The following UGT1A5 variants were observed in gnomAD, a reference collection of about 807,000 sequenced individuals.
UGT1A5 encodes UDP-glucuronosyltransferase 1A5.
UGT1A5 carries 29 observed loss-of-function variants against 40.3 expected under a neutral mutation model. The observed-to-expected ratio is 0.72, with a 90% CI of 0.54 to 0.98. UGT1A5 has a LOEUF of 0.98. Among genes scored for constraint, UGT1A5 ranks in the 50% least tolerant of loss-of-function variants. The pLI is 0.00. For missense variants in UGT1A5, 678 were observed against 677.9 expected, an observed-to-expected ratio of 1.00 and a Z score of 0.00; for synonymous variants, 257 against 262.5, an observed-to-expected ratio of 0.98 and a Z score of 0.20.
intron 1 of UGT1A5, among the ~76,000 whole-genome samples, chr2:233,738,676 G>T (rs1690872856): frequency 6.6e-6 from 1 of 152,190 alleles, no homozygotes; most frequent in African/African-American, 2.4e-5. Flanking sequence ...GAGATGATCT[G>T]AAATTGGAAC....
Position 233,713,342 on chromosome 2 carries a change from GAAC to G in UGT1A5, c.354_356del (p.Asn119del). 6.2e-7 allele frequency: 1 copy of G among 1,614,196 alleles called. No homozygotes were observed. Among genetic ancestry groups the G allele is most frequent in the Non-Finnish European group, 8.5e-7 (1 of 1,180,038 alleles). Reference sequence around the variant, plus strand: ...AATTTTCTAGAAGAATGGCAATTATGAACAATATGTCTTTGATCATACATAGGT... The same window carrying G: ...AATTTTCTAGAAGAATGGCAATTATGAATATGTCTTTGATCATACATAGGT... On this transcript the variant is annotated inframe_deletion, in exon 1 of 5. Transcript: ENST00000373414.
chr2:233,747,574 CT>C, intron 1 of UGT1A5: 1 of 1,587,022 alleles, frequency 6.3e-7, no homozygotes, highest in Non-Finnish European at 8.7e-7. Flanking sequence ...AAAAATTCAT[CT>C]TTGGTCTTTC....
intron 1 of UGT1A5, among the ~76,000 whole-genome samples, chr2:233,758,021 T>C (rs949274852): frequency 2.0e-5 from 3 of 152,156 alleles, no homozygotes; most frequent in African/African-American, 7.2e-5. Context: ...TGTCTCTGTC[T>C]ACCTGACCCC....
At chr2:233,724,982 C>A (rs1242883505) in intron 1 of UGT1A5, among the ~76,000 whole-genome samples, 1 of 134,788 alleles carries the variant, frequency 7.4e-6, no homozygotes. Context: ...GGATCACTCG[C>A]GGTTAGGGGC....
At chr2:233,716,351 A>G (rs1258886515) in intron 1 of UGT1A5, among the ~76,000 whole-genome samples, 2 of 152,232 alleles carry the variant, frequency 1.3e-5, no homozygotes, top group Non-Finnish European at 2.9e-5. Flanking sequence ...ACTACAATGT[A>G]GATACTTTGT....
At position 233,772,381 on chromosome 2, in the gene UGT1A5, G is replaced by A. The variant is rs150687296; in HGVS notation, c.1427G>A (p.Arg476His). 6.8e-6 allele frequency: 11 copies of A among 1,614,106 alleles called. No individual in the cohort carries two copies. Among genetic ancestry groups the A allele is most frequent in the Middle Eastern group, 1.6e-4 (1 of 6,084 alleles). Residue 476 changes from arginine (R) to histidine (H), a missense_variant, in exon 5 of 5, where the codon CGC becomes CAC. Transcript: ENST00000373414. The stretch of plus-strand genomic sequence containing the variant: ...AGGCACAAGGGCGCGCCACACCTGC[G>A]CCCCGCAGCCCACGACCTCACCTGG... ...VMRHKGAPHL[R>H]PAAHDLTWYQ...
At position 233,743,680 on chromosome 2, in the gene UGT1A5, G is replaced by C. The variant is rs555741522; in HGVS notation, c.868-23354G>C. 7 of 1,367,102 alleles carry C rather than the reference G, an allele frequency of 5.1e-6. No homozygotes were observed. The South Asian group carries it at 6.8e-5, about 13-fold the overall frequency. 84.7% of individuals were successfully genotyped at this position (1,367,102 alleles called of 1,614,324 possible). On this transcript the variant is annotated intron_variant, in intron 1 of 4. Coordinates refer to ENST00000373414, the MANE Select transcript of UGT1A5 (RefSeq NM_019078.2). The stretch of plus-strand genomic sequence containing the variant: ...CGAAGGGGTCCTCGAAGGGCCTGCC[G>C]CCTGTGCAGCCGCCCTCCGCCCCCG...
intron 1 of UGT1A5, among the ~76,000 whole-genome samples, chr2:233,722,899 G>T (rs1015320069): frequency 7.8e-6 from 1 of 128,092 alleles, no homozygotes; most frequent in South Asian, 3.1e-4. Flanking sequence ...AGTGGAAGTG[G>T]ATCATCATAA....
At chr2:233,759,652 C>G (rs35665780) in intron 1 of UGT1A5, among the ~76,000 whole-genome samples, 1 of 121,978 alleles carries the variant, frequency 8.2e-6, no homozygotes, top group East Asian at 2.9e-4. Context: ...TTCACGATTT[C>G]TAAGTTCCTG....
chr2:233,765,082 C>T (rs2741017), intron 1 of UGT1A5, among the ~76,000 whole-genome samples: 1 of 152,198 alleles, frequency 6.6e-6, no homozygotes, highest in South Asian at 2.1e-4. Context: ...TGTCTCACAT[C>T]TAGGGTGACC....
At chr2:233,766,970 TACTG>T in intron 1 of UGT1A5, 60 bp from the exon 2 acceptor site, 8 of 1,610,026 alleles carry the variant, frequency 5.0e-6, no homozygotes, top group Non-Finnish European at 6.8e-6. Flanking sequence ...ATTCATAACT[TACTG>T]TATGTAGTCA....
intron 1 of UGT1A5, among the ~76,000 whole-genome samples, chr2:233,727,802 A>G (rs1335895993): frequency 2.0e-5 from 3 of 152,156 alleles, no homozygotes; most frequent in East Asian, 1.9e-4. Context: ...TGCCTGTCCC[A>G]TGGGTTCTGT....
At chr2:233,767,325 T>C (rs1479941821) in intron 2 of UGT1A5, among the ~76,000 whole-genome samples, 160 bp downstream of exon 2, 1 of 152,210 alleles carries the variant, frequency 6.6e-6, no homozygotes, top group Non-Finnish European at 1.5e-5. Flanking sequence ...TTGTTGTGGT[T>C]GTTGTCATTG....
At chr2:233,755,357 TGGGCCGCCTGGA>T in intron 1 of UGT1A5, 1 of 376,616 alleles carries the variant, frequency 2.7e-6, no homozygotes, top group South Asian at 2.2e-5. Context: ...CTTGGCGACC[TGGGCCGCCTGGA>T]GGGCCGCCCC....
intron 2 of UGT1A5, 150 bp from the exon 3 acceptor site, chr2:233,767,699 A>G: frequency 1.3e-6 from 2 of 1,502,404 alleles, no homozygotes; most frequent in Non-Finnish European, 1.8e-6. Context: ...GGAAGTTGCC[A>G]GTCCTCAGAA....
intron 1 of UGT1A5, chr2:233,760,411 A>G (rs1575771994): frequency 6.2e-7 from 1 of 1,614,192 alleles, no homozygotes; most frequent in Non-Finnish European, 8.5e-7. Context: ...CCACTGGCTG[A>G]GCATGCTTGG....
At chr2:233,760,719 C>A in intron 1 of UGT1A5, 4 of 1,614,206 alleles carry the variant, frequency 2.5e-6, no homozygotes, top group Non-Finnish European at 3.4e-6. Flanking sequence ...CAGAAAGCAG[C>A]TTTGATGTCA....
At chr2:233,768,197 A>G in intron 3 of UGT1A5, 23 bp from the exon 4 acceptor site, 3 of 1,614,174 alleles carry the variant, frequency 1.9e-6, no homozygotes, top group Non-Finnish European at 2.5e-6. Context: ...AACTGCTGAC[A>G]TCCTCCCTAT....
chr2:233,765,700 A>T (rs963177783), intron 1 of UGT1A5, among the ~76,000 whole-genome samples: 1 of 146,346 alleles, frequency 6.8e-6, no homozygotes, highest in African/African-American at 2.7e-5. Flanking sequence ...AGTAAATAAT[A>T]ATAATAATAA....
Sources: gnomAD v4.1 joint callset for allele counts (sites outside exome capture counted in the v4.1 genomes callset) on GRCh38, gnomAD v4.1.1 for gene constraint, MANE v1.5 for transcripts, NCBI Gene and HGNC (gene_info 2026-07-23, HGNC 2026-07-21) for gene names.